The following UBP1 variants were observed in gnomAD, a reference collection of about 807,000 sequenced individuals.
UBP1 encodes upstream-binding protein 1.
UBP1 carries 22 observed loss-of-function variants against 76.1 expected under a neutral mutation model. The ratio of observed to expected loss-of-function variants is 0.29; its 90% CI spans 0.21 to 0.41. The LOEUF is 0.41. UBP1 is among the 10% of genes least tolerant of loss of function. The pLI, the probability that UBP1 is intolerant of heterozygous loss-of-function variation, is 1.00. For missense variants in UBP1, 436 were observed against 668.1 expected (o/e 0.65, Z 3.83); for synonymous variants, 224 against 237.1 (o/e 0.94, Z 0.51).
At chr3:33,431,418 T>C (rs1367112294) in intron 1 of UBP1, among the ~76,000 whole-genome samples, 1 of 151,922 alleles carries the variant, frequency 6.6e-6, no homozygotes, top group African/African-American at 2.4e-5. Context: ...AAATACACCA[T>C]AGAAAAACTC....
At chr3:33,400,865 A>G in intron 10 of UBP1, 97 bp downstream of exon 10, 1 of 1,218,032 alleles carries the variant, frequency 8.2e-7, no homozygotes, top group Non-Finnish European at 1.2e-6. Flanking sequence ...TACATGTAAC[A>G]AAACTTCTCA....
At chr3:33,440,496 C>G (rs1342495396), upstream of UBP1, 1 of 152,112 alleles carries the variant, frequency 6.6e-6, no homozygotes, top group Non-Finnish European at 1.5e-5. Flanking sequence ...CCACTCCCCG[C>G]GCCTCGCGGC....
chr3:33,393,706 GGACAAAAA>G (rs1454603594), intron 13 of UBP1, among the ~76,000 whole-genome samples: 1 of 151,896 alleles, frequency 6.6e-6, no homozygotes, highest in Non-Finnish European at 1.5e-5. Flanking sequence ...AGAAATCCCT[GGACAAAAA>G]GATTTGAGGT....
chr3:33,391,588 C>G (rs2043766597), intron 15 of UBP1: 2 of 152,182 alleles, frequency 1.3e-5, no homozygotes, highest in South Asian at 4.1e-4. Context: ...TTGATTTACC[C>G]CAACCATACT....
intron 1 of UBP1, among the ~76,000 whole-genome samples, chr3:33,430,334 A>G (rs1043185034): frequency 2.0e-5 from 3 of 152,186 alleles, no homozygotes; most frequent in Non-Finnish European, 4.4e-5. Flanking sequence ...CTAGATGCTC[A>G]GGGTAAGGGT....
intron 7 of UBP1, 33 bp downstream of exon 7, chr3:33,409,203 T>C: frequency 6.2e-7 from 1 of 1,603,584 alleles, no homozygotes; most frequent in Non-Finnish European, 8.5e-7. Context: ...AACCTTTGCT[T>C]CTCTTCCAAA....
chr3:33,428,398 C>CAA, intron 1 of UBP1, among the ~76,000 whole-genome samples: 1 of 152,024 alleles, frequency 6.6e-6, no homozygotes, highest in East Asian at 1.9e-4. Context: ...TTTAACATTT[C>CAA]AATGCTAACT....
intron 3 of UBP1, 123 bp from the exon 4 acceptor site, chr3:33,412,950 C>T: frequency 1.6e-6 from 1 of 609,394 alleles, no homozygotes. Flanking sequence ...CTGTTTTAAA[C>T]ATTCTGTAAG....
chr3:33,423,067 A>T (rs2044943135), intron 2 of UBP1, among the ~76,000 whole-genome samples: 2 of 150,404 alleles, frequency 1.3e-5, no homozygotes, highest in African/African-American at 4.9e-5. Context: ...TTTGAGACAG[A>T]GTCTCGCTCT....
chr3:33,402,999 T>TAA (rs1484558516), intron 8 of UBP1, 95 bp from the exon 9 acceptor site: 2 of 1,096,360 alleles, frequency 1.8e-6, no homozygotes, highest in Admixed American at 2.1e-5. Context: ...TGCAAGATTA[T>TAA]AAAATGCGAG....
At chr3:33,403,510 A>ATCTG (rs869027625) in intron 8 of UBP1, 1 of 21,174 alleles carries the variant, frequency 4.7e-5, no homozygotes, top group African/African-American at 7.5e-5. Context: ...CTATCTATCT[A>ATCTG]TCTGTCTGTC....
In UBP1 at chr3:33,439,835, A is replaced by G; in HGVS notation, c.14T>C (p.Leu5Pro). The change falls in exon 1 of 16, where the codon CTC becomes CCC. Residue 5 changes from leucine (L) to proline (P), a missense_variant. Physicochemically the swap from Leu to Pro is moderately conservative, Grantham distance 98. Transcript: ENST00000283629. MAWV[L>P]KMDEVIESGL... ...GGACTCGATCACCTCGTCCATCTTG[A>G]GCACCCAGGCCATCTTCCGGCCTCG... 1 of 1,612,064 alleles carries G rather than the reference A, an allele frequency of 6.2e-7. No homozygotes were observed. The highest frequency in any genetic ancestry group is 8.5e-7 in the Non-Finnish European group (1 of 1,179,462).
At chr3:33,420,155 A>G (rs2044848686) in intron 2 of UBP1, among the ~76,000 whole-genome samples, 1 of 152,188 alleles carries the variant, frequency 6.6e-6, no homozygotes, top group Admixed American at 6.5e-5. Flanking sequence ...CCTTATTTCT[A>G]AAGTCCTATT....
chr3:33,422,591 G>A (rs1209771631), intron 2 of UBP1, among the ~76,000 whole-genome samples: 1 of 151,958 alleles, frequency 6.6e-6, no homozygotes, highest in Non-Finnish European at 1.5e-5. Flanking sequence ...CAGGCATGGT[G>A]TCCTGTGCCT....
intron 13 of UBP1, among the ~76,000 whole-genome samples, chr3:33,394,429 C>G (rs965968717): frequency 6.6e-6 from 1 of 151,962 alleles, no homozygotes; most frequent in Non-Finnish European, 1.5e-5. Context: ...GCCCCTCCCC[C>G]ACAAAAAATT....
chr3:33,428,181 CAAAAAAAAAAA>C (rs59049122), intron 1 of UBP1, among the ~76,000 whole-genome samples: 1 of 57,234 alleles, frequency 1.7e-5, no homozygotes, highest in Non-Finnish European at 3.4e-5. Flanking sequence ...GATTCCATCT[CAAAAAAAAAAA>C]AAAAAAAAAA....
At chr3:33,401,425 A>G (rs1242348012) in intron 9 of UBP1, among the ~76,000 whole-genome samples, 1 of 152,248 alleles carries the variant, frequency 6.6e-6, no homozygotes, top group East Asian at 1.9e-4. Flanking sequence ...GAAATAGTAC[A>G]ATGACCCTAA....
chr3:33,440,017 G>C lies in UBP1; in HGVS notation c.-169C>G, dbSNP rs1173561082. ...GAGCTGCGGGGGCCCCACTGGCAGG[G>C]CACGACGAGCCCAGCGAGCAATTGC... On this transcript the variant is annotated 5_prime_UTR_variant, in exon 1 of 16. Transcript: ENST00000283629. 5.0e-6 allele frequency: 3 copies of C among 594,204 alleles called. No individual in the cohort carries two copies. The highest frequency in any genetic ancestry group is 8.2e-6 in the Non-Finnish European group (3 of 365,156). The allele number at this position is 594,204 out of a possible 1,614,324, so 36.8% of individuals were successfully genotyped here. A position where few individuals can be genotyped will look rare whatever the true frequency, so the allele number is the denominator to read the frequency against.
At chr3:33,439,163 A>T (rs979289503) in intron 1 of UBP1, among the ~76,000 whole-genome samples, 1 of 152,224 alleles carries the variant, frequency 6.6e-6, no homozygotes, top group Non-Finnish European at 1.5e-5. Context: ...AAACAGCCTG[A>T]GAGGGTAGTC....
Sources: gnomAD v4.1 joint callset for allele counts (sites outside exome capture counted in the v4.1 genomes callset) on GRCh38, gnomAD v4.1.1 for gene constraint, MANE v1.5 for transcripts, NCBI Gene and HGNC (gene_info 2026-07-23, HGNC 2026-07-21) for gene names.